The following LRRFIP1 variants were observed in gnomAD, a reference collection of about 807,000 sequenced individuals.
The protein encoded by LRRFIP1 is leucine-rich repeat flightless-interacting protein 1.
In LRRFIP1, 62 loss-of-function variants were observed where a neutral mutation model predicts 104.4. The ratio of observed to expected loss-of-function variants is 0.59; its 90% CI spans 0.48 to 0.73. The LOEUF (loss-of-function observed/expected upper bound fraction) is 0.73. LRRFIP1 is among the 30% of genes least tolerant of loss of function. The pLI is 0.00. For missense variants in LRRFIP1, 796 were observed against 824.5 expected, an observed-to-expected ratio of 0.97 and a Z score of 0.42; for synonymous variants, 300 against 299.0, an observed-to-expected ratio of 1.00 and a Z score of -0.03.
At chr2:237,736,782 G>C (rs2095262307) in intron 10 of LRRFIP1, among the ~76,000 whole-genome samples, 1 of 152,226 alleles carries the variant, frequency 6.6e-6, no homozygotes. Flanking sequence ...CAGCTCTGCT[G>C]TGAGCAGGAA....
chr2:237,765,361 A>G (rs1483438638), intron 19 of LRRFIP1: 3 of 489,468 alleles, frequency 6.1e-6, no homozygotes, highest in Non-Finnish European at 7.9e-6. Context: ...GCTTGAGGCC[A>G]GGAGTTCAAG....
intron 1 of LRRFIP1, among the ~76,000 whole-genome samples, chr2:237,662,358 T>A (rs2088177361): frequency 6.6e-6 from 1 of 152,162 alleles, no homozygotes; most frequent in Non-Finnish European, 1.5e-5. Flanking sequence ...ATCCACGGGT[T>A]CTGGGTGGAC....
intron 7 of LRRFIP1, among the ~76,000 whole-genome samples, chr2:237,725,688 G>A (rs2094717913): frequency 6.6e-6 from 1 of 152,224 alleles, no homozygotes; most frequent in South Asian, 2.1e-4. Flanking sequence ...ACCTGGTCAT[G>A]GAAATTGCTT....
Position 237,766,550 on chromosome 2 carries a change from G to C in LRRFIP1, c.1460-3393G>C. On this transcript the variant is annotated intron_variant, in intron 19 of 23. Transcript: ENST00000308482. The surrounding 1 kb of genome is among the most constrained non-coding windows in gnomAD (Gnocchi z 4.8). Reference sequence around the variant, plus strand: ...TTCACCAGCACCCTGCAGGACGTTGGGCACACATCACATCCCTCAGCTCAG... The same window carrying C: ...TTCACCAGCACCCTGCAGGACGTTGCGCACACATCACATCCCTCAGCTCAG... 6.6e-6 allele frequency among the ~76,000 whole-genome samples: 1 copy of C among 152,082 alleles called. No homozygotes were observed. The highest frequency in any genetic ancestry group is 1.9e-4 in the East Asian group (1 of 5,180).
intron 7 of LRRFIP1, among the ~76,000 whole-genome samples, chr2:237,725,929 C>A (rs1364975959): frequency 6.6e-6 from 1 of 152,228 alleles, no homozygotes; most frequent in Admixed American, 6.5e-5. Flanking sequence ...TCATACATTT[C>A]TCTTCCTCAT....
Position 237,646,221 on chromosome 2 carries a change from T to A in LRRFIP1, c.96+18481T>A, listed in dbSNP as rs562239815. Among the ~76,000 whole-genome samples the A allele has an allele frequency of 3.6e-4, 54 of 151,686 alleles. 1 individual carries two copies. The highest frequency in any genetic ancestry group is 4.7e-4 in the Non-Finnish European group (32 of 67,830). ...CTAGCTATTTTCCTCCTTTCATTTT[T>A]AAAAAAAAATATATATGTATTACAT... is the stretch of plus-strand genomic sequence containing the variant. On this transcript the variant is annotated intron_variant, in intron 1 of 23. Coordinates refer to ENST00000308482, the MANE Select transcript of LRRFIP1 (RefSeq NM_001137550.2).
At position 237,717,623 on chromosome 2, in the gene LRRFIP1, G is replaced by C; in HGVS notation, c.202-139G>C. On this transcript the variant is annotated intron_variant, in intron 3 of 23. Transcript: ENST00000308482. The surrounding 1 kb of genome is among the most constrained non-coding windows in gnomAD (Gnocchi z 4.2). ...CTGTGGAGAAGCCAGGCCTGGTGCC[G>C]ACTGCTTTGCCTTGGCGTGTTACCT... 1 of 750,846 alleles carries C rather than the reference G, an allele frequency of 1.3e-6. No individual in the cohort carries two copies. The highest frequency in any genetic ancestry group is 2.4e-6 in the Non-Finnish European group (1 of 408,794). The allele number at this position is 750,846 out of a possible 1,614,324, so 46.5% of individuals were successfully genotyped here.
At chr2:237,654,847 G>C (rs773383127) in intron 1 of LRRFIP1, among the ~76,000 whole-genome samples, 1 of 151,962 alleles carries the variant, frequency 6.6e-6, no homozygotes, top group Admixed American at 6.6e-5. Flanking sequence ...ACCACTCCCG[G>C]CCTGTTGAAA....
Position 237,703,047 on chromosome 2 carries a change from T to C in LRRFIP1, c.97-5497T>C, listed in dbSNP as rs942377922. On this transcript the variant is annotated intron_variant, in intron 1 of 23. Coordinates refer to ENST00000308482, the MANE Select transcript of LRRFIP1 (RefSeq NM_001137550.2). This position sits in a 1 kb window ranked among gnomAD's most constrained non-coding sequence, Gnocchi z 4.3. ...CAGGCAAGGGCTTGCTCTTTCCCTG[T>C]TGGCTCCTGTAGGGTGGGGACAGAC... is the stretch of plus-strand genomic sequence containing the variant. 2.0e-5 allele frequency among the ~76,000 whole-genome samples: 3 copies of C among 152,200 alleles called. No individual in the cohort carries two copies. The highest frequency in any genetic ancestry group is 7.2e-5 in the African/African-American group (3 of 41,458).
chr2:237,736,591 G>C (rs191591977), intron 10 of LRRFIP1, among the ~76,000 whole-genome samples: 1 of 152,154 alleles, frequency 6.6e-6, no homozygotes, highest in Non-Finnish European at 1.5e-5. Flanking sequence ...ACTGTGTCAC[G>C]TCTGAGATGG....
chr2:237,719,479 G>A, intron 4 of LRRFIP1, 44 bp from the exon 5 acceptor site: 1 of 1,492,320 alleles, frequency 6.7e-7, no homozygotes, highest in Non-Finnish European at 9.3e-7. Context: ...CTTTTCCTGT[G>A]TCCATCTGTC....
intron 8 of LRRFIP1, among the ~76,000 whole-genome samples, chr2:237,731,656 A>G (rs1394339796): frequency 2.6e-5 from 4 of 152,162 alleles, no homozygotes; most frequent in African/African-American, 9.7e-5. Flanking sequence ...TTTCCAACTC[A>G]TTTTCGATAA....
chr2:237,722,945 C>T (rs1176169418), intron 6 of LRRFIP1, among the ~76,000 whole-genome samples: 2 of 152,130 alleles, frequency 1.3e-5, no homozygotes. Context: ...TATGCGGGGC[C>T]AGTTTCTACT....
intron 1 of LRRFIP1, among the ~76,000 whole-genome samples, chr2:237,681,772 C>T (rs1181618652): frequency 1.5e-5 from 2 of 137,024 alleles, no homozygotes; most frequent in South Asian, 2.5e-4. Flanking sequence ...CTCCGCCTCC[C>T]GGGTTCACGC....
chr2:237,688,441 C>CTTTTTTTTTTTTTTTTTT (rs5839674), intron 1 of LRRFIP1, among the ~76,000 whole-genome samples: 1 of 132,510 alleles, frequency 7.5e-6, no homozygotes, highest in Non-Finnish European at 1.6e-5. Context: ...GATGGACCCC[C>CTTTTTTTTTTTTTTTTTT]TTTTTTTTTT....
chr2:237,640,722 T>C (rs1425749862), intron 1 of LRRFIP1, among the ~76,000 whole-genome samples: 1 of 152,242 alleles, frequency 6.6e-6, no homozygotes, highest in Non-Finnish European at 1.5e-5. Context: ...GCCTCAGCCC[T>C]GGGCCTCCGC....
intron 2 of LRRFIP1, among the ~76,000 whole-genome samples, chr2:237,712,426 C>T (rs2094141357): frequency 6.6e-6 from 1 of 152,166 alleles, no homozygotes. Flanking sequence ...TAGTCACTTT[C>T]CAAGTGGAAG....
At chr2:237,694,364 CAG>C (rs2093021535) in intron 1 of LRRFIP1, among the ~76,000 whole-genome samples, 1 of 151,642 alleles carries the variant, frequency 6.6e-6, no homozygotes, top group African/African-American at 2.4e-5. Context: ...AAAACTGTAT[CAG>C]AGTGAGACAT....
At position 237,724,049 on chromosome 2, in the gene LRRFIP1, CTTT is replaced by C. The variant is rs35094499; in HGVS notation, c.384+477_384+479del. On this transcript the variant is annotated intron_variant, in intron 7 of 23. Coordinates refer to ENST00000308482, the MANE Select transcript of LRRFIP1 (RefSeq NM_001137550.2). ...CATTCAAATTAAATGTACAATCTGA[CTTT>C]TTTTTTTTTTTTTGCCAGAAAGTAT... 4.6e-3 allele frequency among the ~76,000 whole-genome samples: 657 copies of C among 143,004 alleles called. 4 individuals carry two copies. Among genetic ancestry groups the C allele is most frequent in the African/African-American group, 0.016 (615 of 38,822 alleles). 93.8% of individuals were successfully genotyped at this position (143,004 alleles called of 152,430 possible). A position where few individuals can be genotyped will look rare whatever the true frequency, so the allele number is the denominator to read the frequency against.
Sources: allele counts gnomAD v4.1 joint callset (sites outside exome capture counted in the v4.1 genomes callset), GRCh38; gene constraint gnomAD v4.1.1; non-coding constraint Gnocchi (gnomAD v3.1); transcripts MANE v1.5; gene names NCBI Gene and HGNC (gene_info 2026-07-23, HGNC 2026-07-21).